PTPRO: variants seen among roughly 807,000 people sequenced by gnomAD.
The protein encoded by PTPRO is protein tyrosine phosphatase receptor type O.
PTPRO carries 62 observed loss-of-function variants against 145.2 expected under a neutral mutation model. That is an observed-to-expected ratio of 0.43 (90% confidence interval 0.35 to 0.53). The LOEUF is 0.53. Among genes scored for constraint, PTPRO ranks in the 20% least tolerant of loss-of-function variants. The pLI is 0.01. For missense variants in PTPRO, 1,345 were observed against 1,482.7 expected, an observed-to-expected ratio of 0.91 and a Z score of 1.53; for synonymous variants, 565 against 514.7, an observed-to-expected ratio of 1.10 and a Z score of -1.32.
At chr12:15,515,976 GT>G (rs779273373) in intron 8 of PTPRO, among the ~76,000 whole-genome samples, 11 of 126,216 alleles carry the variant, frequency 8.7e-5, no homozygotes, top group East Asian at 4.9e-4. Context: ...TGTTTGTCTG[GT>G]TTTTTTTTTG....
intron 1 of PTPRO, among the ~76,000 whole-genome samples, chr12:15,448,198 A>G (rs992340814): frequency 2.6e-5 from 4 of 152,072 alleles, no homozygotes; most frequent in Admixed American, 2.6e-4. Flanking sequence ...TACTTACCAC[A>G]TTCCAGGTAA....
At chr12:15,353,678 A>G (rs193178576) in intron 1 of PTPRO, among the ~76,000 whole-genome samples, 13 of 152,314 alleles carry the variant, frequency 8.5e-5, no homozygotes, top group Admixed American at 7.8e-4. Context: ...CAAAACACTC[A>G]TAATAGGCAG....
intron 1 of PTPRO, among the ~76,000 whole-genome samples, chr12:15,371,537 C>T (rs1938530519): frequency 6.6e-6 from 1 of 152,090 alleles, no homozygotes; most frequent in Non-Finnish European, 1.5e-5. Flanking sequence ...CCAGCAAGCT[C>T]ACATTGTTAT....
intron 7 of PTPRO, among the ~76,000 whole-genome samples, chr12:15,511,343 T>C (rs990483277): frequency 1.3e-5 from 2 of 152,116 alleles, no homozygotes; most frequent in African/African-American, 4.8e-5. Flanking sequence ...TGGAGAAACA[T>C]AGAAGTGTAA....
chr12:15,413,185 G>T (rs1296449037), intron 1 of PTPRO, among the ~76,000 whole-genome samples: 1 of 152,058 alleles, frequency 6.6e-6, no homozygotes, highest in Non-Finnish European at 1.5e-5. Flanking sequence ...CTGCCCCCCA[G>T]GTTCAAGCAA....
intron 12 of PTPRO, among the ~76,000 whole-genome samples, chr12:15,546,088 T>A (rs921520607): frequency 3.3e-5 from 5 of 152,140 alleles, no homozygotes; most frequent in Non-Finnish European, 5.9e-5. Flanking sequence ...CAAGCAGCCA[T>A]TTTTCTGTCT....
intron 8 of PTPRO, 104 bp from the exon 9 acceptor site, chr12:15,516,659 G>A: frequency 1.0e-6 from 1 of 953,596 alleles, no homozygotes; most frequent in Non-Finnish European, 1.7e-6. Flanking sequence ...GGTAGGTATT[G>A]TATCAGAGAG....
chr12:15,363,660 TA>T (rs61650138), intron 1 of PTPRO, among the ~76,000 whole-genome samples: 3,542 of 88,174 alleles, frequency 0.04, 79 homozygotes, highest in East Asian at 0.16. Context: ...TTCATCTAAC[TA>T]AAAAAAAAAA....
intron 12 of PTPRO, 62 bp from the exon 13 acceptor site, chr12:15,546,497 CTGCTTATTAG>C: frequency 6.5e-7 from 1 of 1,544,496 alleles, no homozygotes; most frequent in Non-Finnish European, 8.8e-7. Flanking sequence ...GATGCTTCAC[CTGCTTATTAG>C]TGAAAGAAGA....
At position 15,501,688 on chromosome 12, in the gene PTPRO, A is replaced by G; in HGVS notation, c.730A>G (p.Ser244Gly). 3.1e-6 allele frequency: 5 copies of G among 1,614,012 alleles called. No individual in the cohort carries two copies. Among genetic ancestry groups the G allele is most frequent in the Non-Finnish European group, 4.2e-6 (5 of 1,179,926 alleles). The change falls in exon 5 of 27, where the codon AGT becomes GGT. Residue 244 changes from serine (S) to glycine (G), a missense_variant. By Grantham distance (56) the Ser-to-Gly change is moderately conservative (BLOSUM62 0). This residue lies in a region of PTPRO where 1,130 missense variants were observed against 1,214.7 expected (regional missense o/e 0.93). Transcript: ENST00000281171. The stretch of plus-strand genomic sequence containing the variant: ...GAACAAAAACAACTGGGAAGAACAG[A>G]GTGGCAATTTCCCAGAAGAATCCTT... ...NLNKNNWEEQ[S>G]GNFPEESFMR...
intron 1 of PTPRO, among the ~76,000 whole-genome samples, chr12:15,327,526 G>C (rs1866481336): frequency 6.6e-6 from 1 of 152,134 alleles, no homozygotes; most frequent in South Asian, 2.1e-4. Flanking sequence ...ACCCTTAAGA[G>C]ATGAAGTATT....
At chr12:15,545,109 A>C (rs1418870924) in intron 12 of PTPRO, among the ~76,000 whole-genome samples, 1 of 152,136 alleles carries the variant, frequency 6.6e-6, no homozygotes, top group African/African-American at 2.4e-5. Flanking sequence ...TCTAGAAACA[A>C]GGTTCAAATC....
At chr12:15,527,627 G>GC (rs780610067) in intron 12 of PTPRO, among the ~76,000 whole-genome samples, 1 of 152,320 alleles carries the variant, frequency 6.6e-6, no homozygotes, top group Non-Finnish European at 1.5e-5. Flanking sequence ...TTGACACACT[G>GC]CCAGGATAAT....
At chr12:15,591,799 C>T (rs1591778950) in intron 25 of PTPRO, among the ~76,000 whole-genome samples, 2 of 151,602 alleles carry the variant, frequency 1.3e-5, no homozygotes, top group Non-Finnish European at 2.9e-5. Context: ...GGAGGCAGAG[C>T]TTGCAGTGAG....
At chr12:15,457,321 A>C (rs1941202866) in intron 1 of PTPRO, among the ~76,000 whole-genome samples, 1 of 152,208 alleles carries the variant, frequency 6.6e-6, no homozygotes, top group South Asian at 2.1e-4. Flanking sequence ...TGATCATGTG[A>C]GACAATTCTC....
intron 25 of PTPRO, among the ~76,000 whole-genome samples, chr12:15,592,805 T>C (rs1454873523): frequency 6.6e-6 from 1 of 152,258 alleles, no homozygotes; most frequent in African/African-American, 2.4e-5. Flanking sequence ...GAAGTGCTAC[T>C]TATGAATGAT....
rs200800995 is a variant in PTPRO at position 15,355,302 on chromosome 12, C to A, written c.75+32501C>A. ...CAGAAATGACCTTTCCCTCCTTAGT[C>A]CCAGGTTTGTTTGGGATTTCATGTA... On this transcript the variant is annotated intron_variant, in intron 1 of 26. Transcript: ENST00000281171. Among the ~76,000 whole-genome samples, 21 of 152,262 alleles carry A rather than the reference C, an allele frequency of 1.4e-4. No individual in the cohort carries two copies. In the East Asian group the frequency reaches 4.1e-3, roughly 29 times the overall value.
intron 1 of PTPRO, among the ~76,000 whole-genome samples, chr12:15,437,167 C>T (rs563251413): frequency 2.6e-5 from 4 of 151,948 alleles, no homozygotes; most frequent in Admixed American, 1.3e-4. Context: ...GCATTCAGAG[C>T]GCTCATTCAC....
Position 15,322,692 on chromosome 12 carries a change from C to A in PTPRO, c.-35C>A, listed in dbSNP as rs1339604687. ...AGCCGCCGCCGGGGGAGTCCGCTAG[C>A]GCAGCCGTGCCCCCGAGTCCCCGTC... is the stretch of plus-strand genomic sequence containing the variant. On this transcript the variant is annotated 5_prime_UTR_variant, in exon 1 of 27. Coordinates refer to ENST00000281171, the MANE Select transcript of PTPRO (RefSeq NM_030667.3). This position sits in a 1 kb window ranked among gnomAD's most constrained non-coding sequence, Gnocchi z 6.3. The A allele has an allele frequency of 2.5e-6, 4 of 1,583,976 alleles. No individual in the cohort carries two copies. The highest frequency in any genetic ancestry group is 1.7e-5 in the Admixed American group (1 of 57,894).
Sources: allele counts gnomAD v4.1 joint callset (sites outside exome capture counted in the v4.1 genomes callset), GRCh38; gene constraint gnomAD v4.1.1; regional missense constraint gnomAD v4.1.1; non-coding constraint Gnocchi (gnomAD v3.1); transcripts MANE v1.5; gene names NCBI Gene and HGNC (gene_info 2026-07-23, HGNC 2026-07-21).